The following ELMO1 variants were observed in gnomAD, a reference collection of about 807,000 sequenced individuals.
ELMO1 encodes engulfment and cell motility 1, also known as engulfment and cell motility protein 1.
A neutral mutation model predicts 98.9 loss-of-function variants in ELMO1; 26 were observed. The ratio of observed to expected loss-of-function variants is 0.26; its 90% CI spans 0.19 to 0.36. The LOEUF (loss-of-function observed/expected upper bound fraction) is 0.36, where lower values mean the gene tolerates loss of function less well. Ranked by LOEUF, ELMO1 falls within the 10% of genes least tolerant of loss-of-function variation. ELMO1 has a pLI of 1.00. For synonymous variants in ELMO1, 346 were observed against 346.0 expected, an observed-to-expected ratio of 1.00 and a Z score of 0.00; for missense variants, 627 against 935.2, an observed-to-expected ratio of 0.67 and a Z score of 4.30.
At chr7:37,240,555 G>A (rs1351753410) in intron 7 of ELMO1, among the ~76,000 whole-genome samples, 1 of 151,350 alleles carries the variant, frequency 6.6e-6, no homozygotes, top group East Asian at 1.9e-4. Flanking sequence ...AGCTTCTTAA[G>A]TAAAAACTTA....
chr7:37,281,553 C>T (rs1797143278), intron 4 of ELMO1, among the ~76,000 whole-genome samples: 1 of 152,182 alleles, frequency 6.6e-6, no homozygotes, highest in African/African-American at 2.4e-5. Context: ...TGATCTTCAG[C>T]CCATCTGCTT....
At chr7:36,917,674 A>G in intron 16 of ELMO1, among the ~76,000 whole-genome samples, 1 of 152,202 alleles carries the variant, frequency 6.6e-6, no homozygotes, top group Non-Finnish European at 1.5e-5. Flanking sequence ...ATTTGTTTCT[A>G]TTAAGTAAAA....
chr7:37,242,686 G>A (rs1794819431), intron 7 of ELMO1, among the ~76,000 whole-genome samples: 2 of 152,188 alleles, frequency 1.3e-5, no homozygotes, highest in South Asian at 4.1e-4. Context: ...TACCATTAAA[G>A]TGTGCATTTG....
intron 1 of ELMO1, among the ~76,000 whole-genome samples, chr7:37,394,379 G>A (rs868648450): frequency 6.6e-6 from 1 of 152,178 alleles, no homozygotes; most frequent in Non-Finnish European, 1.5e-5. Flanking sequence ...ACTAGAGAAC[G>A]AGGAGACAGG....
chr7:37,226,319 A>T (rs1793870970), intron 8 of ELMO1, among the ~76,000 whole-genome samples: 1 of 152,120 alleles, frequency 6.6e-6, no homozygotes, highest in African/African-American at 2.4e-5. Flanking sequence ...ATGGCTAATA[A>T]CCTTCTCCGA....
intron 1 of ELMO1, among the ~76,000 whole-genome samples, chr7:37,347,529 ATTC>A (rs1801064556): frequency 6.6e-6 from 1 of 151,824 alleles, no homozygotes; most frequent in Non-Finnish European, 1.5e-5. Flanking sequence ...TCTTATTCTT[ATTC>A]TTATTCTTAT....
chr7:37,083,773 G>C (rs1457365331), intron 15 of ELMO1, among the ~76,000 whole-genome samples: 1 of 152,198 alleles, frequency 6.6e-6, no homozygotes, highest in East Asian at 1.9e-4. Context: ...GCCCCTGATA[G>C]CCTGGCTTCC....
chr7:37,293,958 A>G (rs892330784), intron 4 of ELMO1, among the ~76,000 whole-genome samples: 20 of 152,182 alleles, frequency 1.3e-4, no homozygotes, highest in Non-Finnish European at 2.2e-4. Flanking sequence ...TAAATTTTAT[A>G]CAGTTATTTG....
intron 16 of ELMO1, among the ~76,000 whole-genome samples, chr7:37,009,797 T>C (rs35979822): frequency 6.6e-6 from 1 of 152,222 alleles, no homozygotes; most frequent in Non-Finnish European, 1.5e-5. Flanking sequence ...TGGGCTTTTT[T>C]AAAGACATTT....
chr7:37,363,427 G>A (rs144438518), intron 1 of ELMO1, among the ~76,000 whole-genome samples: 1 of 152,040 alleles, frequency 6.6e-6, no homozygotes, highest in Non-Finnish European at 1.5e-5. Context: ...CTTTAACATG[G>A]CCCGCAAAGG....
At chr7:36,920,425 G>C (rs1406285693) in intron 16 of ELMO1, among the ~76,000 whole-genome samples, 1 of 152,052 alleles carries the variant, frequency 6.6e-6, no homozygotes, top group Non-Finnish European at 1.5e-5. Context: ...GCTGATTTGT[G>C]GATATTAAAA....
intron 1 of ELMO1, among the ~76,000 whole-genome samples, chr7:37,447,232 C>G (rs1273814317): frequency 6.6e-6 from 1 of 152,152 alleles, no homozygotes; most frequent in African/African-American, 2.4e-5. Context: ...TTTATAGAAG[C>G]AAAAGAGAAA....
intron 16 of ELMO1, among the ~76,000 whole-genome samples, chr7:36,900,695 CA>C (rs1188930034): frequency 6.6e-6 from 1 of 151,912 alleles, no homozygotes; most frequent in Admixed American, 6.6e-5. Context: ...TCAATACTTA[CA>C]AAAAAAGTAC....
chr7:37,439,880 T>A (rs536776852), intron 1 of ELMO1, among the ~76,000 whole-genome samples: 78 of 152,352 alleles, frequency 5.1e-4, no homozygotes, highest in Non-Finnish European at 6.2e-4. Flanking sequence ...TGATTTGTGC[T>A]GACTTACTAT....
chr7:37,323,314 G>A (rs2131153233), intron 2 of ELMO1, among the ~76,000 whole-genome samples: 1 of 152,294 alleles, frequency 6.6e-6, no homozygotes, highest in East Asian at 1.9e-4. Flanking sequence ...CTCTAAAAGA[G>A]TTCCTTTGTT....
chr7:37,257,450 C>A (rs968036067), intron 6 of ELMO1, among the ~76,000 whole-genome samples: 1 of 151,344 alleles, frequency 6.6e-6, no homozygotes, highest in Non-Finnish European at 1.5e-5. Flanking sequence ...TTAGGCCAGG[C>A]ACGGTGGCTC....
intron 14 of ELMO1, among the ~76,000 whole-genome samples, chr7:37,125,310 T>G (rs1429416003): frequency 6.6e-6 from 1 of 152,026 alleles, no homozygotes; most frequent in East Asian, 1.9e-4. Context: ...CTAAAGAGCT[T>G]CTGCACAGCA....
intron 13 of ELMO1, among the ~76,000 whole-genome samples, chr7:37,146,342 C>T (rs941414592): frequency 6.6e-6 from 1 of 152,064 alleles, no homozygotes; most frequent in African/African-American, 2.4e-5. Context: ...GGCTTCTGGA[C>T]CATACTATAA....
At chr7:37,243,149 A>G (rs1341220518) in intron 7 of ELMO1, among the ~76,000 whole-genome samples, 1 of 152,232 alleles carries the variant, frequency 6.6e-6, no homozygotes, top group African/African-American at 2.4e-5. Context: ...AAAAATCATG[A>G]ACTACACTAC....
Sources: gnomAD v4.1 joint callset for allele counts (sites outside exome capture counted in the v4.1 genomes callset) on GRCh38, gnomAD v4.1.1 for gene constraint, MANE v1.5 for transcripts, NCBI Gene and HGNC (gene_info 2026-07-23, HGNC 2026-07-21) for gene names.